NKAIN4: variants seen among roughly 807,000 people sequenced by gnomAD.
NKAIN4 encodes the protein sodium/potassium transporting ATPase interacting 4, also known as sodium/potassium-transporting ATPase subunit beta-1-interacting protein 4.
A neutral mutation model predicts 28.8 loss-of-function variants in NKAIN4; 28 were observed. That is an observed-to-expected ratio of 0.97 (90% CI 0.72 to 1.33). NKAIN4 has a LOEUF of 1.33. Among genes scored for constraint, NKAIN4 ranks in the 40% most tolerant of loss-of-function variants. NKAIN4 has a pLI of 0.00. For synonymous variants in NKAIN4, 122 were observed against 115.6 expected (o/e 1.06, Z -0.36); for missense variants, 289 against 277.2 (o/e 1.04, Z -0.30).
chr20:63,244,029 T>C lies in NKAIN4; in HGVS notation c.527A>G (p.Asp176Gly). The part of the protein sequence containing the change: ...QVVSVFTEEE[D>G]SFDFIGGFDP... ...TGCAGAGGCCCCATACTCACAGCTG[T>C]CCTCTTCCTCCGTAAACACGCTGAC... Residue 176 changes from aspartate to glycine, a missense_variant, in exon 5 of 7, where the codon GAC (aspartate) becomes GGC (glycine). Transcript: ENST00000370316. The C allele has an allele frequency of 6.2e-7, 1 of 1,613,014 alleles. No homozygotes were observed.
At chr20:63,254,347 G>C in intron 1 of NKAIN4, 50 bp downstream of exon 1, 1 of 1,375,608 alleles carries the variant, frequency 7.3e-7, no homozygotes. Context: ...CAGCCGCCGT[G>C]GGTCGGGCAC....
chr20:63,253,355 C>G (rs577760028), intron 1 of NKAIN4: 33 of 985,290 alleles, frequency 3.3e-5, no homozygotes, highest in Non-Finnish European at 4.0e-5. Flanking sequence ...AGGAAGGACA[C>G]GATGCCTCCG....
intron 6 of NKAIN4, chr20:63,241,749 G>T: frequency 1.5e-6 from 1 of 676,764 alleles, no homozygotes; most frequent in East Asian, 2.9e-5. Context: ...TCTGGCCTGT[G>T]GGGCTGGGAG....
At chr20:63,254,297 G>A (rs924476626) in intron 1 of NKAIN4, 100 bp downstream of exon 1, 1 of 993,130 alleles carries the variant, frequency 1.0e-6, no homozygotes, top group Non-Finnish European at 1.4e-6. Flanking sequence ...GCGGGACCCA[G>A]CGAACGGGCC....
intron 1 of NKAIN4, chr20:63,253,517 G>C (rs1384323407): frequency 9.1e-6 from 9 of 985,356 alleles, no homozygotes; most frequent in African/African-American, 3.5e-5. Context: ...GGGGGCGCGC[G>C]GTCCAGCTGC....
At chr20:63,251,278 G>C (rs1476563984) in intron 1 of NKAIN4, among the ~76,000 whole-genome samples, 2 of 152,164 alleles carry the variant, frequency 1.3e-5, no homozygotes, top group African/African-American at 4.8e-5. Flanking sequence ...GCACAGGATG[G>C]AACATGAAGG....
At position 63,245,679 on chromosome 20, in the gene NKAIN4, G is replaced by A. The variant is rs963904369; in HGVS notation, c.472-1595C>T. On this transcript the variant is annotated intron_variant, in intron 4 of 6. Coordinates refer to ENST00000370316, the MANE Select transcript of NKAIN4 (RefSeq NM_152864.4). This position sits in a 1 kb window ranked among gnomAD's most constrained non-coding sequence, Gnocchi z 4.7. The stretch of plus-strand genomic sequence containing the variant: ...TTTCCATCCCCAGCACAGCTGGGCA[G>A]AGGCCAACCAAGCCGCCAGCCTCTC... 6.6e-6 allele frequency among the ~76,000 whole-genome samples: 1 copy of A among 152,108 alleles called. No homozygotes were observed. The highest frequency in any genetic ancestry group is 1.5e-5 in the Non-Finnish European group (1 of 68,020).
Position 63,241,137 on chromosome 20 carries a change from C to T in NKAIN4, c.*360G>A. ...GCTTGCAGCCCGAGGGTCCAGCAGC[C>T]CCAGGTGGGCACCTGAGGGAGGGGC... On this transcript the variant is annotated 3_prime_UTR_variant, in exon 7 of 7. Coordinates refer to ENST00000370316, the MANE Select transcript of NKAIN4 (RefSeq NM_152864.4). 3.3e-6 allele frequency: 1 copy of T among 301,846 alleles called. No individual in the cohort carries two copies. The highest frequency in any genetic ancestry group is 6.3e-6 in the Non-Finnish European group (1 of 159,918). 18.7% of individuals were successfully genotyped at this position (301,846 alleles called of 1,614,324 possible).
intron 5 of NKAIN4, chr20:63,243,729 C>A: frequency 7.0e-6 from 2 of 286,670 alleles, no homozygotes; most frequent in Non-Finnish European, 1.3e-5. Flanking sequence ...TGAGCTCAGA[C>A]CTTCCTCCCG....
rs200940789 is a variant in NKAIN4 at position 63,242,622 on chromosome 20, A to C, written c.534T>G (p.Phe178Leu). 3 of 1,610,394 alleles carry C rather than the reference A, an allele frequency of 1.9e-6. No homozygotes were observed. The African/African-American group carries it at 4.0e-5, about 21-fold the overall frequency. The change falls in exon 6 of 7, where the codon TTT becomes TTG. Residue 178 changes from phenylalanine (F) to leucine (L), a missense_variant and splice_region_variant. Coordinates refer to ENST00000370316, the MANE Select transcript of NKAIN4 (RefSeq NM_152864.4). ...VSVFTEEEDS[F>L]DFIGGFDPFP... is the part of the protein sequence containing the mutation. ...ATGGATCAAATCCACCAATGAAATC[A>C]ACTGAAAGAAATCAAGACCCAAATA...
intron 1 of NKAIN4, among the ~76,000 whole-genome samples, chr20:63,251,208 A>G (rs2066953463): frequency 6.6e-6 from 1 of 152,094 alleles, no homozygotes; most frequent in Non-Finnish European, 1.5e-5. Flanking sequence ...ATTTCTGCTT[A>G]TCAGAGACTT....
At position 63,254,443 on chromosome 20, in the gene NKAIN4, G is replaced by A. The variant is rs2067016268; in HGVS notation, c.8C>T (p.Ser3Phe). The A allele has an allele frequency of 5.7e-6, 8 of 1,406,082 alleles. No individual in the cohort carries two copies. The South Asian group carries it at 1.1e-4, about 18-fold the overall frequency. The allele number at this position is 1,406,082 out of a possible 1,614,324, so 87.1% of individuals were successfully genotyped here. A position where few individuals can be genotyped will look rare whatever the true frequency, so the allele number is the denominator to read the frequency against. The stretch of plus-strand genomic sequence containing the variant: ...GACGAGCGCGCAGCGGCCGGAGCAG[G>A]AGCCCATGGTGCCCGCCTATACAGG... MG[S>F]CSGRCALVVL... Residue 3 changes from serine to phenylalanine, a missense_variant, in exon 1 of 7, where the codon TCC becomes TTC. Physicochemically the swap from Ser to Phe is radical, Grantham distance 155 (BLOSUM62 -2). Transcript: ENST00000370316.
At chr20:63,249,471 A>G (rs1380817204) in intron 2 of NKAIN4, among the ~76,000 whole-genome samples, 1 of 152,228 alleles carries the variant, frequency 6.6e-6, no homozygotes, top group Admixed American at 6.5e-5. Context: ...TTGGTTCTGC[A>G]CTGAATGAAA....
chr20:63,250,011 GCCAGGATGGGCGCCCACTGGTAGC>G lies in NKAIN4; in HGVS notation c.92_115del (p.Gly31_Leu38del), dbSNP rs1568711105. The G allele has an allele frequency of 2.5e-6, 4 of 1,610,190 alleles. 1 individual carries two copies. The South Asian group carries it at 4.4e-5, about 18-fold the overall frequency. On this transcript the variant is annotated inframe_deletion, in exon 2 of 7. Coordinates refer to ENST00000370316, the MANE Select transcript of NKAIN4 (RefSeq NM_152864.4). Reference sequence around the variant, plus strand: ...GACGATGATGATGTGGACAAAGTTGGCCAGGATGGGCGCCCACTGGTAGCCCAGGAAGTCAAACACCTGCCTCTC... The same window carrying G: ...GACGATGATGATGTGGACAAAGTTGGCCAGGAAGTCAAACACCTGCCTCTC...
Position 63,247,746 on chromosome 20 carries a change from G to A in NKAIN4, c.303C>T (p.Ser101=). 6.8e-7 allele frequency: 1 copy of A among 1,480,550 alleles called. No homozygotes were observed. Among genetic ancestry groups the A allele is most frequent in the Non-Finnish European group, 9.0e-7 (1 of 1,111,180 alleles). 91.7% of individuals were successfully genotyped at this position (1,480,550 alleles called of 1,614,324 possible). A position where few individuals can be genotyped will look rare whatever the true frequency, so the allele number is the denominator to read the frequency against. Reference sequence around the variant, plus strand: ...GCTCACGCCACCAGGAGCGATGCCGGGAGAGGCTGAAGGTCAGTAGCTCGC... The same window carrying A: ...GCTCACGCCACCAGGAGCGATGCCGAGAGAGGCTGAAGGTCAGTAGCTCGC... The part of the protein sequence containing the change: ...KDSELLTFSL[S]RHRSWWRERW... The change falls in exon 4 of 7, where the codon TCC becomes TCT. Residue 101 remains serine (S), a synonymous_variant. Coordinates refer to ENST00000370316, the MANE Select transcript of NKAIN4 (RefSeq NM_152864.4).
At chr20:63,248,763 C>T in intron 3 of NKAIN4, 52 bp downstream of exon 3, 7 of 1,249,148 alleles carry the variant, frequency 5.6e-6, no homozygotes, top group Non-Finnish European at 8.2e-6. Context: ...TACCAGGGGC[C>T]CGGCCCAGAC....
Position 63,241,124 on chromosome 20 carries a change from A to G in NKAIN4, c.*373T>C, listed in dbSNP as rs1402567668. ...TCCCAGCAGCAGTGCTTGCAGCCCG[A>G]GGGTCCAGCAGCCCCAGGTGGGCAC... On this transcript the variant is annotated 3_prime_UTR_variant, in exon 7 of 7. Transcript: ENST00000370316. The G allele has an allele frequency of 3.7e-6, 1 of 273,172 alleles. No homozygotes were observed. Among genetic ancestry groups the G allele is most frequent in the Non-Finnish European group, 7.0e-6 (1 of 142,456 alleles). 16.9% of individuals were successfully genotyped at this position (273,172 alleles called of 1,614,324 possible).
At chr20:63,242,656 C>T in intron 5 of NKAIN4, 33 bp from the exon 6 acceptor site, 1 of 1,525,612 alleles carries the variant, frequency 6.6e-7, no homozygotes, top group Non-Finnish European at 9.1e-7. Context: ...TAAAACAAAA[C>T]CTACACAATG....
At chr20:63,241,988 G>A (rs2066761022) in intron 6 of NKAIN4, among the ~76,000 whole-genome samples, 2 of 152,274 alleles carry the variant, frequency 1.3e-5, no homozygotes, top group African/African-American at 4.8e-5. Context: ...CCCAGGGGCG[G>A]TGCAGCCACC....
Sources: allele counts gnomAD v4.1 joint callset (sites outside exome capture counted in the v4.1 genomes callset), GRCh38; gene constraint gnomAD v4.1.1; non-coding constraint Gnocchi (gnomAD v3.1); transcripts MANE v1.5; gene names NCBI Gene and HGNC (gene_info 2026-07-23, HGNC 2026-07-21).